Variants in ZHX3 observed in about 807,000 individuals in gnomAD.
ZHX3 encodes the protein zinc fingers and homeoboxes 3, also known as zinc fingers and homeoboxes protein 3.
A neutral mutation model predicts 64.5 loss-of-function variants in ZHX3; 20 were observed. The observed-to-expected ratio is 0.31, with a 90% CI of 0.22 to 0.45. The LOEUF (loss-of-function observed/expected upper bound fraction) is 0.45. ZHX3 is among the 20% of genes least tolerant of loss of function. ZHX3 has a pLI of 1.00. For missense variants in ZHX3, 1,041 were observed against 1,195.8 expected, an observed-to-expected ratio of 0.87 and a Z score of 1.91; for synonymous variants, 423 against 461.6, an observed-to-expected ratio of 0.92 and a Z score of 1.07.
At chr20:41,314,985 A>G (rs1200223718) in intron 1 of ZHX3, among the ~76,000 whole-genome samples, 2 of 152,208 alleles carry the variant, frequency 1.3e-5, no homozygotes, top group Admixed American at 1.3e-4. Flanking sequence ...CAACAAATAA[A>G]TATGTATTAC....
intron 1 of ZHX3, among the ~76,000 whole-genome samples, chr20:41,280,882 C>CT (rs371666599): frequency 1.8e-3 from 261 of 145,652 alleles, no homozygotes; most frequent in African/African-American, 4.2e-3. Flanking sequence ...ATGTCTAACC[C>CT]TTTTTTTTTT....
intron 2 of ZHX3, among the ~76,000 whole-genome samples, chr20:41,252,838 G>A (rs919685918): frequency 6.6e-6 from 1 of 151,948 alleles, no homozygotes; most frequent in African/African-American, 2.4e-5. Context: ...CACAACAAAC[G>A]AACCCCATTA....
At position 41,282,361 on chromosome 20, in the gene ZHX3, C is replaced by CTTTTTTTTTTTTTTTTTT. The variant is rs568284480; in HGVS notation, c.-244-13296_-244-13279dup. 4.3e-4 allele frequency among the ~76,000 whole-genome samples: 42 copies of CTTTTTTTTTTTTTTTTTT among 97,196 alleles called. 7 individuals carry two copies. Among genetic ancestry groups the CTTTTTTTTTTTTTTTTTT allele is most frequent in the Non-Finnish European group, 5.3e-4 (27 of 50,924 alleles). 63.8% of individuals were successfully genotyped at this position (97,196 alleles called of 152,430 possible). A position where few individuals can be genotyped will look rare whatever the true frequency, so the allele number is the denominator to read the frequency against. On this transcript the variant is annotated intron_variant, in intron 1 of 3. Coordinates refer to ENST00000683867, the MANE Select transcript of ZHX3 (RefSeq NM_001384317.1). ...TAGAGGTCCATTAGACACAATTCAT[C>CTTTTTTTTTTTTTTTTTT]TTTTTTTTTTTTTTTTTTTGCGAAG...
intron 2 of ZHX3, among the ~76,000 whole-genome samples, chr20:41,253,126 G>C (rs2042069286): frequency 6.6e-6 from 1 of 151,968 alleles, no homozygotes; most frequent in Non-Finnish European, 1.5e-5. Context: ...CATGGTCAAA[G>C]TACCAACAAG....
chr20:41,273,500 T>A (rs957785642), intron 1 of ZHX3, among the ~76,000 whole-genome samples: 1 of 152,180 alleles, frequency 6.6e-6, no homozygotes, highest in Non-Finnish European at 1.5e-5. Flanking sequence ...TCTTAACTCT[T>A]ATAATTAGTT....
At chr20:41,199,621 G>A (rs1389078250) in intron 3 of ZHX3, among the ~76,000 whole-genome samples, 4 of 151,134 alleles carry the variant, frequency 2.6e-5, no homozygotes, top group Non-Finnish European at 5.9e-5. Context: ...AGCTCCCTCT[G>A]CCCAAGGGCA....
intron 3 of ZHX3, among the ~76,000 whole-genome samples, chr20:41,186,117 C>T (rs555386098): frequency 6.6e-6 from 1 of 152,320 alleles, no homozygotes; most frequent in East Asian, 1.9e-4. Context: ...TTTTCATCAT[C>T]CTAAACAGAA....
chr20:41,243,073 C>T (rs923632412), intron 2 of ZHX3, among the ~76,000 whole-genome samples: 8 of 152,312 alleles, frequency 5.3e-5, no homozygotes, highest in Non-Finnish European at 1.2e-4. Context: ...CAGGTCGGGG[C>T]AGACCTCCCA....
chr20:41,218,923 GTTTTTTTTT>G (rs888061526), intron 2 of ZHX3, among the ~76,000 whole-genome samples: 1 of 92,576 alleles, frequency 1.1e-5, no homozygotes, highest in Admixed American at 1.3e-4. Context: ...AAACAGTGCT[GTTTTTTTTT>G]TTTTTTTTTT....
intron 1 of ZHX3, among the ~76,000 whole-genome samples, chr20:41,285,515 C>A (rs2043893716): frequency 6.6e-6 from 1 of 152,204 alleles, no homozygotes; most frequent in Non-Finnish European, 1.5e-5. Flanking sequence ...TCATTAAAAT[C>A]TCTTTTGTTT....
At chr20:41,238,382 G>GC in intron 2 of ZHX3, among the ~76,000 whole-genome samples, 1 of 151,944 alleles carries the variant, frequency 6.6e-6, no homozygotes, top group East Asian at 1.9e-4. Context: ...AGACTAAGAG[G>GC]GAAAAAAAGG....
Position 41,212,476 on chromosome 20 carries a change from A to C in ZHX3, c.-150-7410T>G, listed in dbSNP as rs1297434467. On this transcript the variant is annotated intron_variant, in intron 2 of 3. Coordinates refer to ENST00000683867, the MANE Select transcript of ZHX3 (RefSeq NM_001384317.1). This position sits in a 1 kb window ranked among gnomAD's most constrained non-coding sequence, Gnocchi z 4.3. ...CACTTTGGAAAACTGTTTGGCAAAC[A>C]AAATGTTAAATATAGAGTTGCCATA... 6.6e-6 allele frequency among the ~76,000 whole-genome samples: 1 copy of C among 152,182 alleles called. No individual in the cohort carries two copies. The highest frequency in any genetic ancestry group is 2.4e-5 in the African/African-American group (1 of 41,440).
At chr20:41,314,938 C>T (rs952036259) in intron 1 of ZHX3, among the ~76,000 whole-genome samples, 4 of 152,162 alleles carry the variant, frequency 2.6e-5, no homozygotes, top group African/African-American at 4.8e-5. Context: ...AAAAAAGTCT[C>T]ACACTTCAGG....
At chr20:41,199,632 T>A (rs1172135895) in intron 3 of ZHX3, among the ~76,000 whole-genome samples, 1 of 152,020 alleles carries the variant, frequency 6.6e-6, no homozygotes, top group Non-Finnish European at 1.5e-5. Flanking sequence ...CCCAAGGGCA[T>A]TGAGACAATG....
intron 1 of ZHX3, among the ~76,000 whole-genome samples, chr20:41,283,479 C>T (rs548539387): frequency 6.6e-6 from 1 of 152,130 alleles, no homozygotes; most frequent in Non-Finnish European, 1.5e-5. Context: ...TTTTATCGGG[C>T]CAGGTGTGGT....
Position 41,180,416 on chromosome 20 carries a change from G to A in ZHX3, c.*4775C>T, listed in dbSNP as rs1446888155. ...CTGCCTAGTCTCATCCCCAGCCTCT[G>A]GGTTCCCTCCCCTGCTCTAGACTTC... On this transcript the variant is annotated 3_prime_UTR_variant, in exon 4 of 4. Coordinates refer to ENST00000683867, the MANE Select transcript of ZHX3 (RefSeq NM_001384317.1). 2 of 152,298 alleles carry A rather than the reference G, an allele frequency of 1.3e-5. No individual in the cohort carries two copies. The highest frequency in any genetic ancestry group is 2.9e-5 in the Non-Finnish European group (2 of 68,088). 9.4% of individuals were successfully genotyped at this position (152,298 alleles called of 1,614,324 possible).
intron 2 of ZHX3, among the ~76,000 whole-genome samples, chr20:41,218,897 C>G (rs531968233): frequency 5.4e-5 from 8 of 147,284 alleles, no homozygotes; most frequent in African/African-American, 1.8e-4. Context: ...GAGCTCTCTA[C>G]TTGTTTTTCC....
At chr20:41,254,010 C>T (rs918627382) in intron 2 of ZHX3, among the ~76,000 whole-genome samples, 7 of 152,024 alleles carry the variant, frequency 4.6e-5, no homozygotes. Flanking sequence ...CTCAGCCAGG[C>T]GCAATGGCTC....
chr20:41,303,597 A>G (rs940036299), intron 1 of ZHX3, among the ~76,000 whole-genome samples: 19 of 152,140 alleles, frequency 1.2e-4, no homozygotes, highest in African/African-American at 3.9e-4. Flanking sequence ...TGTATCCCCA[A>G]ATAGCCTTTC....
Sources: allele counts gnomAD v4.1 joint callset (sites outside exome capture counted in the v4.1 genomes callset), GRCh38; gene constraint gnomAD v4.1.1; non-coding constraint Gnocchi (gnomAD v3.1); transcripts MANE v1.5; gene names NCBI Gene and HGNC (gene_info 2026-07-23, HGNC 2026-07-21).